DZIP3: variants seen among roughly 807,000 people sequenced by gnomAD.
DZIP3 encodes the protein DAZ interacting zinc finger protein 3, also known as E3 ubiquitin-protein ligase DZIP3.
Under a neutral mutation model 162.0 loss-of-function variants are expected in DZIP3, and 118 were observed. The observed-to-expected ratio is 0.73, with a 90% CI of 0.63 to 0.85. The LOEUF is 0.85. DZIP3 is among the 40% of genes least tolerant of loss of function. DZIP3 has a pLI of 0.00. For synonymous variants in DZIP3, 438 were observed against 458.6 expected (o/e 0.96, Z 0.57); for missense variants, 1,331 against 1,407.0 (o/e 0.95, Z 0.86).
chr3:108,657,465 G>A (rs1218402590), intron 19 of DZIP3, among the ~76,000 whole-genome samples: 1 of 152,148 alleles, frequency 6.6e-6, no homozygotes, highest in Non-Finnish European at 1.5e-5. Context: ...CACCAGGCCT[G>A]CCCTAAAAGA....
rs192777775 is a variant in DZIP3 at position 108,606,258 on chromosome 3, C to G, written c.32+820C>G. ...AAGGCCAAATGACATTCTCTTTTCT[C>G]CAAGCAGGGCAAGTTCAGCCCACCT... On this transcript the variant is annotated intron_variant, in intron 2 of 32. Coordinates refer to ENST00000361582, the MANE Select transcript of DZIP3 (RefSeq NM_014648.4). Among the ~76,000 whole-genome samples the G allele has an allele frequency of 1.7e-4, 26 of 152,272 alleles. No individual in the cohort carries two copies. In the East Asian group the frequency reaches 3.5e-3, roughly 20 times the overall value.
chr3:108,673,991 T>G, intron 23 of DZIP3, 87 bp from the exon 24 acceptor site: 1 of 1,059,306 alleles, frequency 9.4e-7, no homozygotes, highest in Admixed American at 1.8e-5. Context: ...GAGAAATAGC[T>G]TTAAATTTAC....
intron 8 of DZIP3, among the ~76,000 whole-genome samples, chr3:108,631,055 A>ACACT: frequency 2.8e-4 from 5 of 18,012 alleles, no homozygotes; most frequent in African/African-American, 5.6e-4. Context: ...ACACACACAC[A>ACACT]CTCTCTCTCT....
intron 14 of DZIP3, 144 bp downstream of exon 14, chr3:108,644,925 A>T: frequency 1.3e-6 from 1 of 766,940 alleles, no homozygotes; most frequent in Non-Finnish European, 2.0e-6. Flanking sequence ...TAGAAATTAT[A>T]GTGCTAGAGA....
chr3:108,674,097 G>A lies in DZIP3; in HGVS notation c.2609G>A (p.Arg870His), dbSNP rs201697166. 39 of 1,611,676 alleles carry A rather than the reference G, an allele frequency of 2.4e-5. No individual in the cohort carries two copies. The highest frequency in any genetic ancestry group is 5.0e-5 in the Admixed American group (3 of 59,782). The change falls in exon 24 of 33, where the codon CGT becomes CAT. Residue 870 changes from arginine (R) to histidine (H), a missense_variant. Arg to His is a conservative substitution (Grantham distance 29). Transcript: ENST00000361582. ...LTAEVYFLQC[R>H]RDFGLLHLEQ... Reference sequence around the variant, plus strand: ...CTGTAGGTGTATTTCTTACAGTGTCGTAGGGATTTTGGTTTGCTTCATCTA... The same window carrying A: ...CTGTAGGTGTATTTCTTACAGTGTCATAGGGATTTTGGTTTGCTTCATCTA...
chr3:108,689,937 T>C (rs935411965), intron 31 of DZIP3, among the ~76,000 whole-genome samples: 2 of 152,232 alleles, frequency 1.3e-5, no homozygotes, highest in South Asian at 2.1e-4. Context: ...AGATATGATA[T>C]GTGGTACCTG....
Position 108,684,306 on chromosome 3 carries a change from G to A in DZIP3, c.2974G>A (p.Val992Ile). 1.2e-6 allele frequency: 2 copies of A among 1,613,184 alleles called. No individual in the cohort carries two copies. The highest frequency in any genetic ancestry group is 2.7e-5 in the African/African-American group (2 of 74,888). Residue 992 changes from valine to isoleucine, a missense_variant, in exon 27 of 33, where the codon GTC becomes ATC. Physicochemically the swap from Val to Ile is conservative, Grantham distance 29 (BLOSUM62 3). Coordinates refer to ENST00000361582, the MANE Select transcript of DZIP3 (RefSeq NM_014648.4). ...VPQMPAVCPG[V>I]VSATGQPRAP... ...TCAAATGCCTGCAGTTTGCCCGGGA[G>A]TCGTCTCTGCAACTGGCCAACCTAG... is the stretch of plus-strand genomic sequence containing the variant.
At position 108,633,082 on chromosome 3, in the gene DZIP3, T is replaced by C; in HGVS notation, c.816+10T>C. 7.3e-7 allele frequency: 1 copy of C among 1,361,824 alleles called. No homozygotes were observed. Among genetic ancestry groups the C allele is most frequent in the Non-Finnish European group, 9.5e-7 (1 of 1,047,210 alleles). 84.4% of individuals were successfully genotyped at this position (1,361,824 alleles called of 1,614,324 possible). ...GAACACCAGTTATAAGGTACTGTAA[T>C]TGTCAATTAACAGTATTTTTAAAAA... is the stretch of plus-strand genomic sequence containing the variant. On this transcript the variant is annotated intron_variant, in intron 9 of 32. Coordinates refer to ENST00000361582, the MANE Select transcript of DZIP3 (RefSeq NM_014648.4).
chr3:108,655,020 T>C (rs969662077), intron 19 of DZIP3, among the ~76,000 whole-genome samples: 3 of 152,176 alleles, frequency 2.0e-5, no homozygotes, highest in Non-Finnish European at 4.4e-5. Flanking sequence ...TTGTCATACC[T>C]TTTTTCTCCT....
intron 26 of DZIP3, among the ~76,000 whole-genome samples, chr3:108,680,128 A>G (rs562806571): frequency 6.6e-6 from 1 of 152,226 alleles, no homozygotes; most frequent in South Asian, 2.1e-4. Context: ...AAAATTAGGT[A>G]TAGGAGGTAC....
chr3:108,652,331 T>C (rs1353305146), intron 18 of DZIP3, among the ~76,000 whole-genome samples: 2 of 151,916 alleles, frequency 1.3e-5, no homozygotes, highest in African/African-American at 2.4e-5. Context: ...TTGTTCTTTA[T>C]TGAAGTGTTT....
At chr3:108,619,950 C>T (rs1212816191) in intron 5 of DZIP3, among the ~76,000 whole-genome samples, 3 of 151,070 alleles carry the variant, frequency 2.0e-5, no homozygotes, top group Non-Finnish European at 4.4e-5. Flanking sequence ...GGCTTTGTGT[C>T]TGGGTTCTCC....
intron 23 of DZIP3, among the ~76,000 whole-genome samples, chr3:108,672,957 C>T (rs1417217727): frequency 3.3e-5 from 5 of 151,908 alleles, no homozygotes; most frequent in Admixed American, 6.6e-5. Flanking sequence ...AGCCAAGTCA[C>T]TAAGCCAAAC....
chr3:108,599,948 C>A (rs758048233), intron 1 of DZIP3, among the ~76,000 whole-genome samples: 1 of 152,128 alleles, frequency 6.6e-6, no homozygotes, highest in African/African-American at 2.4e-5. Flanking sequence ...ATGACTAAGA[C>A]AGTCATTTCA....
chr3:108,649,036 T>C, intron 17 of DZIP3, 74 bp downstream of exon 17: 2 of 898,958 alleles, frequency 2.2e-6, no homozygotes, highest in Non-Finnish European at 1.5e-6. Context: ...TTGTTAGAAC[T>C]TAAATTAGTT....
chr3:108,672,491 C>T, intron 22 of DZIP3, 69 bp from the exon 23 acceptor site: 1 of 1,267,952 alleles, frequency 7.9e-7, no homozygotes. Context: ...ATCTTTCTTC[C>T]TCCTGAATTA....
At chr3:108,605,659 A>T (rs1304171012) in intron 2 of DZIP3, among the ~76,000 whole-genome samples, 2 of 152,146 alleles carry the variant, frequency 1.3e-5, no homozygotes, top group Non-Finnish European at 2.9e-5. Context: ...GCTGCTGCTG[A>T]TCTGACAGAA....
intron 17 of DZIP3, among the ~76,000 whole-genome samples, chr3:108,649,348 A>AT (rs960447906): frequency 5.3e-5 from 8 of 151,748 alleles, no homozygotes; most frequent in East Asian, 1.9e-4. Flanking sequence ...AGAAATCTTG[A>AT]TTTTTTTCTT....
At position 108,686,459 on chromosome 3, in the gene DZIP3, C is replaced by A; in HGVS notation, c.3024C>A (p.Ala1008=). The A allele has an allele frequency of 6.3e-7, 1 of 1,594,850 alleles. No individual in the cohort carries two copies. The highest frequency in any genetic ancestry group is 1.8e-5 in the Admixed American group (1 of 55,106). The stretch of plus-strand genomic sequence containing the variant: ...GCCTCTTACAGATGACTGGCATAGC[C>A]TGGGCTCTGCCAGCGCCTGTGGGAG... ...QPRAPLMTGI[A]WALPAPVGDA... Residue 1008 remains alanine (A), a synonymous_variant, in exon 28 of 33, where the codon GCC becomes GCA. Coordinates refer to ENST00000361582, the MANE Select transcript of DZIP3 (RefSeq NM_014648.4).
Sources: gnomAD v4.1 joint callset for allele counts (sites outside exome capture counted in the v4.1 genomes callset) on GRCh38, gnomAD v4.1.1 for gene constraint, MANE v1.5 for transcripts, NCBI Gene and HGNC (gene_info 2026-07-23, HGNC 2026-07-21) for gene names.